The following SLC22A7 variants were observed in gnomAD, a reference collection of about 807,000 sequenced individuals.
SLC22A7 encodes solute carrier family 22 member 7.
Under a neutral mutation model 62.2 loss-of-function variants are expected in SLC22A7, and 48 were observed. That is an observed-to-expected ratio of 0.77 (90% CI 0.61 to 0.98). The LOEUF is 0.98. Among genes scored for constraint, SLC22A7 ranks in the 50% least tolerant of loss-of-function variants. The pLI, the probability that SLC22A7 is intolerant of heterozygous loss-of-function variation, is 0.00. For missense variants in SLC22A7, 581 were observed against 703.8 expected (o/e 0.83, Z 1.97); for synonymous variants, 276 against 314.8 (o/e 0.88, Z 1.30).
chr6:43,298,545 G>A lies in SLC22A7; in HGVS notation c.187G>A (p.Val63Met). The change falls in exon 1 of 11, where the codon GTG (valine) becomes ATG (methionine). Residue 63 changes from valine (V) to methionine (M), a missense_variant. Transcript: ENST00000372585. ...GAPANFSHQD[V>M]WLEAHLPREP... ...CCCTGCCAACTTCAGCCATCAGGATGTGTGGCTGGAGGCCCATCTTCCCCG... is the reference window on the plus strand; with the variant it reads ...CCCTGCCAACTTCAGCCATCAGGATATGTGGCTGGAGGCCCATCTTCCCCG... The A allele has an allele frequency of 1.9e-6, 3 of 1,613,806 alleles. No individual in the cohort carries two copies. The highest frequency in any genetic ancestry group is 2.5e-6 in the Non-Finnish European group (3 of 1,180,022).
Position 43,304,240 on chromosome 6 carries a change from AAG to A in SLC22A7, c.1591_1592del (p.Ser531CysfsTer117), listed in dbSNP as rs1365384926. On this transcript the variant is annotated frameshift_variant and splice_region_variant, in exon 10 of 11. Transcript: ENST00000372585. LOFTEE classifies it high-confidence loss of function. ...AGAGACCATCCAGGACGTGGAGAGA[AAG>A]AGGTGTGTGCACAGGACTGTGTCTG... is the stretch of plus-strand genomic sequence containing the variant. ...LPETIQDVER[K>X]SAPTSLQEEE... is the part of the protein sequence containing the mutation. 5 of 1,556,368 alleles carry A rather than the reference AAG, an allele frequency of 3.2e-6. No individual in the cohort carries two copies. The highest frequency in any genetic ancestry group is 4.3e-6 in the Non-Finnish European group (5 of 1,149,694).
In SLC22A7 at chr6:43,298,499, C is replaced by T; in HGVS notation, c.141C>T (p.His47=). ...LPIFLAAVPA[H]RCALPGAPAN... ...TCTTCCTGGCTGCCGTGCCTGCCCA[C>T]CGATGTGCCCTGCCGGGTGCCCCTG... The change falls in exon 1 of 11, where the codon CAC becomes CAT. Residue 47 remains histidine, a synonymous_variant. Coordinates refer to ENST00000372585, the MANE Select transcript of SLC22A7 (RefSeq NM_153320.2). 6.2e-7 allele frequency: 1 copy of T among 1,613,628 alleles called. No individual in the cohort carries two copies. The highest frequency in any genetic ancestry group is 8.5e-7 in the Non-Finnish European group (1 of 1,180,048).
At position 43,302,785 on chromosome 6, in the gene SLC22A7, C is replaced by T. The variant is rs763256068; in HGVS notation, c.1385+22C>T. The T allele has an allele frequency of 2.6e-6, 4 of 1,512,530 alleles. No homozygotes were observed. Among genetic ancestry groups the T allele is most frequent in the Non-Finnish European group, 2.7e-6 (3 of 1,094,250 alleles). The allele number at this position is 1,512,530 out of a possible 1,614,324, so 93.7% of individuals were successfully genotyped here. ...TCAGGTGAGGAAGCCTGCAACTGAT[C>T]TGGGGGTATGGGGCTTGTTAGTCAC... On this transcript the variant is annotated intron_variant, in intron 9 of 10. Coordinates refer to ENST00000372585, the MANE Select transcript of SLC22A7 (RefSeq NM_153320.2). The surrounding 1 kb of genome is among the most constrained non-coding windows in gnomAD (Gnocchi z 5.0).
Position 43,301,324 on chromosome 6 carries a change from C to T in SLC22A7, c.951+66C>T, listed in dbSNP as rs75138515. The T allele has an allele frequency of 4.0e-5, 64 of 1,597,056 alleles. No individual in the cohort carries two copies. The African/African-American group carries it at 8.2e-4, about 20-fold the overall frequency. On this transcript the variant is annotated intron_variant, in intron 6 of 10. Transcript: ENST00000372585. ...GGTGGGGAGTGGGCTGTGTCAAGTG[C>T]CTCCCTCCCAGAGCCCACCATATAT...
intron 5 of SLC22A7, among the ~76,000 whole-genome samples, chr6:43,300,535 G>C (rs1778703583): frequency 6.6e-6 from 1 of 152,182 alleles, no homozygotes; most frequent in Admixed American, 6.5e-5. Flanking sequence ...GCTGGTGCTG[G>C]GAGCTGGTCT....
At position 43,302,153 on chromosome 6, in the gene SLC22A7, A is replaced by G; in HGVS notation, c.1062-47A>G. 1 of 1,481,020 alleles carries G rather than the reference A, an allele frequency of 6.8e-7. No individual in the cohort carries two copies. Among genetic ancestry groups the G allele is most frequent in the Non-Finnish European group, 9.2e-7 (1 of 1,090,278 alleles). 91.7% of individuals were successfully genotyped at this position (1,481,020 alleles called of 1,614,324 possible). ...GTCTTCCTGAGAAGAGAGGCCAAAGAGGGATGGGAAGGAGGGTCCGCCAAG... is the reference window on the plus strand; with the variant it reads ...GTCTTCCTGAGAAGAGAGGCCAAAGGGGGATGGGAAGGAGGGTCCGCCAAG... On this transcript the variant is annotated intron_variant, in intron 7 of 10. Transcript: ENST00000372585. The surrounding 1 kb of genome is among the most constrained non-coding windows in gnomAD (Gnocchi z 5.0).
At chr6:43,304,608 C>G (rs1778876505) in intron 10 of SLC22A7, 63 bp from the exon 11 acceptor site, 1 of 1,463,750 alleles carries the variant, frequency 6.8e-7, no homozygotes, top group African/African-American at 1.4e-5. Flanking sequence ...CCTGATGGGG[C>G]AGGCTGGGGT....
In SLC22A7 at chr6:43,299,388, A is replaced by C; in HGVS notation, c.400-2A>C. 6.2e-7 allele frequency: 1 copy of C among 1,614,138 alleles called. No individual in the cohort carries two copies. Among genetic ancestry groups the C allele is most frequent in the Non-Finnish European group, 8.5e-7 (1 of 1,179,992 alleles). On this transcript the variant is annotated splice_acceptor_variant, in intron 2 of 10. Coordinates refer to ENST00000372585, the MANE Select transcript of SLC22A7 (RefSeq NM_153320.2). LOFTEE classifies it high-confidence loss of function. The surrounding 1 kb of genome is among the most constrained non-coding windows in gnomAD (Gnocchi z 4.4). ...GAGGTCCCTTTCTGCCTGTCCTTGC[A>C]GTGGGATCTGGTGTGTGAGCAGAAA...
At chr6:43,304,013 T>C in intron 9 of SLC22A7, 25 bp from the exon 10 acceptor site, 1 of 1,480,760 alleles carries the variant, frequency 6.8e-7, no homozygotes, top group Admixed American at 2.3e-5. Flanking sequence ...ACCATCTGCC[T>C]CCCTCATCCT....
intron 5 of SLC22A7, among the ~76,000 whole-genome samples, chr6:43,300,774 G>A (rs1778713003): frequency 1.3e-5 from 2 of 152,160 alleles, no homozygotes; most frequent in Non-Finnish European, 2.9e-5. Flanking sequence ...GGGACTACAG[G>A]CGTGTGCCAC....
rs1341679329 is a variant in SLC22A7, at chr6:43,304,214, C to T, written c.1562C>T (p.Pro521Leu). Residue 521 changes from proline to leucine, a missense_variant, in exon 10 of 11, where the codon CCA becomes CTA. By Grantham distance (98) the Pro-to-Leu change is moderately conservative. Coordinates refer to ENST00000372585, the MANE Select transcript of SLC22A7 (RefSeq NM_153320.2). ...CCAGAGACGAGGCAGGCACAGCTGC[C>T]AGAGACCATCCAGGACGTGGAGAGA... ...LLPETRQAQLPETIQDVERKS... is the reference protein window; with the variant it reads ...LLPETRQAQLLETIQDVERKS... The T allele has an allele frequency of 2.5e-6, 4 of 1,580,040 alleles. No individual in the cohort carries two copies. In the East Asian group the frequency reaches 6.9e-5, roughly 27 times the overall value.
In SLC22A7 at chr6:43,302,895, C is replaced by A; in HGVS notation, c.1385+132C>A. The A allele has an allele frequency of 1.4e-6, 1 of 693,870 alleles. No homozygotes were observed. The highest frequency in any genetic ancestry group is 2.4e-6 in the Non-Finnish European group (1 of 418,880). 43.0% of individuals were successfully genotyped at this position (693,870 alleles called of 1,614,324 possible). ...TTTTAATTTTAATTTTTGGTAGAGA[C>A]GGGGTCTTGCTATATTACCCAGACT... On this transcript the variant is annotated intron_variant, in intron 9 of 10. Transcript: ENST00000372585. This position sits in a 1 kb window ranked among gnomAD's most constrained non-coding sequence, Gnocchi z 5.0.
chr6:43,299,841 G>A lies in SLC22A7; in HGVS notation c.659-57G>A, dbSNP rs1215122724. The A allele has an allele frequency of 6.2e-7, 1 of 1,614,194 alleles. No homozygotes were observed. Among genetic ancestry groups the A allele is most frequent in the Non-Finnish European group, 8.5e-7 (1 of 1,180,014 alleles). On this transcript the variant is annotated intron_variant, in intron 4 of 10. Transcript: ENST00000372585. This position sits in a 1 kb window ranked among gnomAD's most constrained non-coding sequence, Gnocchi z 4.4. ...GCTGGAAGAAGGCAGTTGTCAGAGT[G>A]AGGCTGAGCCCATCTGGTCCTCACT...
Position 43,299,732 on chromosome 6 carries a change from C to T in SLC22A7, c.609C>T (p.Thr203=), listed in dbSNP as rs201650314. The change falls in exon 4 of 11, where the codon ACC becomes ACT. Residue 203 remains threonine, a synonymous_variant. Coordinates refer to ENST00000372585, the MANE Select transcript of SLC22A7 (RefSeq NM_153320.2). The surrounding 1 kb of genome is among the most constrained non-coding windows in gnomAD (Gnocchi z 4.4). The part of the protein sequence containing the change: ...VSYVMFAITR[T]LTGSALAGFT... ...ATGTAATGTTTGCCATCACCCGCAC[C>T]CTTACTGGCTCAGCCCTGGCTGGTT... 11 of 1,614,148 alleles carry T rather than the reference C, an allele frequency of 6.8e-6. No homozygotes were observed. In the East Asian group the frequency reaches 2.0e-4, roughly 29 times the overall value.
chr6:43,300,158 A>G, intron 5 of SLC22A7, 92 bp downstream of exon 5: 4 of 1,341,254 alleles, frequency 3.0e-6, no homozygotes, highest in Non-Finnish European at 4.1e-6. Context: ...AGAGATTGAG[A>G]GATGAAGGGA....
rs1000801585 is a variant in SLC22A7, at chr6:43,299,537, T to C, written c.503+44T>C. 1.7e-5 allele frequency: 27 copies of C among 1,604,416 alleles called. No individual in the cohort carries two copies. The highest frequency in any genetic ancestry group is 2.7e-5 in the African/African-American group (2 of 74,626). ...CCAATAAGAAACTGGCTGGGGGAAC[T>C]TTCTCCCACTAGCTGGGGTATGAGC... On this transcript the variant is annotated intron_variant, in intron 3 of 10. Transcript: ENST00000372585. This position sits in a 1 kb window ranked among gnomAD's most constrained non-coding sequence, Gnocchi z 4.4.
chr6:43,299,396 C>A lies in SLC22A7; in HGVS notation c.406C>A (p.Leu136Met). ...TTTCTGCCTGTCCTTGCAGTGGGAT[C>A]TGGTGTGTGAGCAGAAAGGTCTGAA... The part of the protein sequence containing the change: ...STIATESQWD[L>M]VCEQKGLNRA... The change falls in exon 3 of 11, where the codon CTG (leucine) becomes ATG (methionine). Residue 136 changes from leucine to methionine, a missense_variant. Physicochemically the swap from Leu to Met is conservative, Grantham distance 15. Transcript: ENST00000372585. The surrounding 1 kb of genome is among the most constrained non-coding windows in gnomAD (Gnocchi z 4.4). 1 of 1,614,140 alleles carries A rather than the reference C, an allele frequency of 6.2e-7. No homozygotes were observed. The highest frequency in any genetic ancestry group is 8.5e-7 in the Non-Finnish European group (1 of 1,180,012).
In SLC22A7 at chr6:43,298,454, A is replaced by G. The variant is rs747145753; in HGVS notation, c.96A>G (p.Pro32=). ...TGGCCCTGCCCCGAGTGCTGCTACC[A>G]CTGCACTTCCTCCTGCCCATCTTCC... The part of the protein sequence containing the change: ...ALLALPRVLL[P]LHFLLPIFLA... The change falls in exon 1 of 11, where the codon CCA becomes CCG. Residue 32 remains proline (P), a synonymous_variant. Transcript: ENST00000372585. The G allele has an allele frequency of 2.5e-6, 4 of 1,613,924 alleles. No homozygotes were observed. The highest frequency in any genetic ancestry group is 3.4e-6 in the Non-Finnish European group (4 of 1,180,026).
At chr6:43,297,130 G>A (rs928115148), upstream of SLC22A7, among the ~76,000 whole-genome samples, 2 of 152,032 alleles carry the variant, frequency 1.3e-5, no homozygotes, top group Non-Finnish European at 2.9e-5. Context: ...ATTAACACAC[G>A]CCATGCCATC....
Sources: gnomAD v4.1 joint callset for allele counts (sites outside exome capture counted in the v4.1 genomes callset) on GRCh38, gnomAD v4.1.1 for gene constraint, Gnocchi (gnomAD v3.1) non-coding constraint, MANE v1.5 for transcripts, NCBI Gene and HGNC (gene_info 2026-07-23, HGNC 2026-07-21) for gene names.